UGT2B7: variants seen among roughly 807,000 people sequenced by gnomAD.
UGT2B7 encodes UDP glucuronosyltransferase family 2 member B7, also known as UDP-glucuronosyltransferase 2B7.
In UGT2B7, 51 loss-of-function variants were observed where a neutral mutation model predicts 51.9. That is an observed-to-expected ratio of 0.98 (90% CI 0.78 to 1.24). UGT2B7 has a LOEUF of 1.24. UGT2B7 is among the 50% of genes most tolerant of loss of function. The pLI is 0.00. For synonymous variants in UGT2B7, 225 were observed against 211.6 expected, an observed-to-expected ratio of 1.06 and a Z score of -0.55; for missense variants, 727 against 628.4, an observed-to-expected ratio of 1.16 and a Z score of -1.68.
intron 1 of UGT2B7, among the ~76,000 whole-genome samples, chr4:69,071,128 G>C (rs1351824988): frequency 6.6e-6 from 1 of 152,030 alleles, no homozygotes; most frequent in Non-Finnish European, 1.5e-5. Flanking sequence ...AAAAGAAGAG[G>C]CTAGTTCCCT....
intron 1 of UGT2B7, among the ~76,000 whole-genome samples, chr4:69,064,864 TG>T (rs1718454173): frequency 6.6e-6 from 1 of 152,180 alleles, no homozygotes; most frequent in Non-Finnish European, 1.5e-5. Flanking sequence ...TGTTGCTGAT[TG>T]GTAATATTTT....
At chr4:69,063,251 G>A (rs983270889) in intron 1 of UGT2B7, among the ~76,000 whole-genome samples, 5 of 142,850 alleles carry the variant, frequency 3.5e-5, no homozygotes, top group African/African-American at 5.4e-5. Flanking sequence ...CCCGGAAGGC[G>A]GAGCTTGCAG....
chr4:69,099,052 T>C (rs181235580), intron 2 of UGT2B7, among the ~76,000 whole-genome samples: 2 of 152,118 alleles, frequency 1.3e-5, no homozygotes, highest in East Asian at 3.9e-4. Flanking sequence ...ACACAGTTTC[T>C]GTCCCCACAT....
At chr4:69,110,156 A>C (rs1326511660) in intron 5 of UGT2B7, among the ~76,000 whole-genome samples, 1 of 152,106 alleles carries the variant, frequency 6.6e-6, no homozygotes, top group Non-Finnish European at 1.5e-5. Flanking sequence ...ATACATACAC[A>C]CACAATAAAC....
At chr4:69,054,689 C>A (rs570824948) in intron 1 of UGT2B7, among the ~76,000 whole-genome samples, 2 of 152,072 alleles carry the variant, frequency 1.3e-5, no homozygotes, top group South Asian at 4.2e-4. Context: ...AGCAGCGTCA[C>A]CAACCCCTGC....
At chr4:69,055,698 C>A (rs1718175744) in intron 1 of UGT2B7, among the ~76,000 whole-genome samples, 1 of 152,198 alleles carries the variant, frequency 6.6e-6, no homozygotes, top group Non-Finnish European at 1.5e-5. Flanking sequence ...AGATCAATGG[C>A]CATGGGAAGC....
At chr4:69,086,780 T>C (rs1718969631) in intron 1 of UGT2B7, among the ~76,000 whole-genome samples, 1 of 151,972 alleles carries the variant, frequency 6.6e-6, no homozygotes, top group African/African-American at 2.4e-5. Flanking sequence ...GTATAGCTAC[T>C]ACTGTATTTT....
intron 1 of UGT2B7, among the ~76,000 whole-genome samples, chr4:69,064,112 A>AAGAGAGAGAGAGAGAGAGAAAG (rs754723956): frequency 1.2e-5 from 1 of 86,802 alleles, no homozygotes; most frequent in Admixed American, 1.1e-4. Context: ...GAAAGAAAGA[A>AAGAGAGAGAGAGAGAGAGAAAG]AAAGAAAGAA....
upstream of UGT2B7, among the ~76,000 whole-genome samples, chr4:69,092,714 A>ATTTTAAATGAGT: frequency 6.6e-6 from 1 of 152,092 alleles, no homozygotes; most frequent in Non-Finnish European, 1.5e-5. Context: ...AGTGTCTTTT[A>ATTTTAAATGAGT]TTTTAAATGA....
At chr4:69,084,403 C>T (rs964732400) in intron 1 of UGT2B7, among the ~76,000 whole-genome samples, 4 of 146,420 alleles carry the variant, frequency 2.7e-5, no homozygotes, top group Non-Finnish European at 4.5e-5. Context: ...ATTTTTAAAG[C>T]ATTTACTTCT....
upstream of UGT2B7, among the ~76,000 whole-genome samples, chr4:69,093,668 G>T (rs1719139665): frequency 6.6e-6 from 1 of 152,202 alleles, no homozygotes; most frequent in Non-Finnish European, 1.5e-5. Flanking sequence ...ACCTGGTTAA[G>T]TGGGTTCATG....
intron 5 of UGT2B7, among the ~76,000 whole-genome samples, chr4:69,111,397 G>T (rs2109896626): frequency 6.6e-6 from 1 of 152,218 alleles, no homozygotes; most frequent in Non-Finnish European, 1.5e-5. Flanking sequence ...AAAGAGTAAT[G>T]TAGAAGCAAA....
chr4:69,056,099 T>G (rs1234956938), intron 1 of UGT2B7, among the ~76,000 whole-genome samples: 2 of 152,116 alleles, frequency 1.3e-5, no homozygotes, highest in Admixed American at 1.3e-4. Flanking sequence ...CCATTAAGCC[T>G]TCTTTCTTCT....
chr4:69,085,181 A>G lies in UGT2B7; in HGVS notation c.-158-4291A>G, dbSNP rs370940327. Among the ~76,000 whole-genome samples the G allele has an allele frequency of 6.6e-4, 101 of 152,254 alleles. 2 individuals are homozygous for G. The South Asian group carries it at 0.02, about 30-fold the overall frequency. On this transcript the variant is annotated intron_variant, in intron 1 of 5. Transcript: ENST00000502942. Reference sequence around the variant, plus strand: ...GCAATTCTAACTGGTGGGAGATGGTATCTCATTTTGGTTTTGATTTGCATT... The same window carrying G: ...GCAATTCTAACTGGTGGGAGATGGTGTCTCATTTTGGTTTTGATTTGCATT...
intron 2 of UGT2B7, among the ~76,000 whole-genome samples, chr4:69,099,973 C>G (rs899072575): frequency 6.6e-6 from 1 of 151,994 alleles, no homozygotes; most frequent in Non-Finnish European, 1.5e-5. Flanking sequence ...GGATCTTCAC[C>G]AGTATTGCAG....
At chr4:69,057,633 A>G (rs576008237) in intron 1 of UGT2B7, among the ~76,000 whole-genome samples, 1 of 152,334 alleles carries the variant, frequency 6.6e-6, no homozygotes, top group African/African-American at 2.4e-5. Flanking sequence ...CAATCCCAGC[A>G]TCTATCTGAG....
rs1224035625 is a variant in UGT2B7 at position 69,097,068 on chromosome 4, A to G, written c.548A>G (p.His183Arg). Residue 183 changes from histidine (H) to arginine (R), a missense_variant, in exon 1 of 6, where the codon CAT becomes CGT. By Grantham distance (29) the His-to-Arg change is conservative. Transcript: ENST00000305231. ...SFSPGYTFEK[H>R]SGGFIFPPSY... ...TCTCCTGGCTACACTTTTGAAAAGC[A>G]TAGTGGAGGATTTATTTTCCCTCCT... is the stretch of plus-strand genomic sequence containing the variant. The G allele has an allele frequency of 1.2e-6, 2 of 1,613,818 alleles. No individual in the cohort carries two copies. Among genetic ancestry groups the G allele is most frequent in the Admixed American group, 1.7e-5 (1 of 59,984 alleles).
At chr4:69,067,015 A>G (rs560123957) in intron 1 of UGT2B7, among the ~76,000 whole-genome samples, 2 of 152,214 alleles carry the variant, frequency 1.3e-5, no homozygotes, top group East Asian at 3.9e-4. Flanking sequence ...ACTATGCCTT[A>G]TCATACTCAG....
At chr4:69,077,697 T>A (rs564059394) in intron 1 of UGT2B7, among the ~76,000 whole-genome samples, 1 of 152,280 alleles carries the variant, frequency 6.6e-6, no homozygotes, top group Non-Finnish European at 1.5e-5. Context: ...ACAGTGGGGT[T>A]TTTCTTAACA....
Sources: gnomAD v4.1 joint callset for allele counts (sites outside exome capture counted in the v4.1 genomes callset) on GRCh38, gnomAD v4.1.1 for gene constraint, MANE v1.5 for transcripts, NCBI Gene and HGNC (gene_info 2026-07-23, HGNC 2026-07-21) for gene names.